FGFR4: variants seen among roughly 807,000 people sequenced by gnomAD.
FGFR4 encodes fibroblast growth factor receptor 4.
In FGFR4, 63 loss-of-function variants were observed where a neutral mutation model predicts 89.9. The observed-to-expected ratio is 0.70, with a 90% confidence interval of 0.57 to 0.86. FGFR4 has a LOEUF of 0.86. FGFR4 is among the 40% of genes least tolerant of loss of function. FGFR4 has a pLI of 0.00. For synonymous variants in FGFR4, 486 were observed against 479.4 expected (o/e 1.01, Z -0.18); for missense variants, 928 against 1,106.7 (o/e 0.84, Z 2.29).
rs1784336742 is a variant in FGFR4 at position 177,090,737 on chromosome 5, T to G, written c.356-8T>G. ...GACCTTAGATGCTTCCCTCTGTCCCTGATGTAGACTCCTTGACCTCCAGCA... is the reference window on the plus strand; with the variant it reads ...GACCTTAGATGCTTCCCTCTGTCCCGGATGTAGACTCCTTGACCTCCAGCA... On this transcript the variant is annotated splice_polypyrimidine_tract_variant and splice_region_variant and intron_variant, in intron 3 of 17. Coordinates refer to ENST00000292408, the MANE Select transcript of FGFR4 (RefSeq NM_213647.3). The G allele has an allele frequency of 6.3e-7, 1 of 1,595,258 alleles. No individual in the cohort carries two copies. Among genetic ancestry groups the G allele is most frequent in the Non-Finnish European group, 8.6e-7 (1 of 1,168,774 alleles).
rs150191035 is a variant in FGFR4, at chr5:177,090,465, G to C, written c.167G>C (p.Cys56Ser). ...TVALGQPVRL[C>S]CGRAERGGHW... ...GCCCTTGGGCAGCCTGTGCGTCTGTGCTGTGGGCGGGCTGAGCGTGGTGGC... is the reference window on the plus strand; with the variant it reads ...GCCCTTGGGCAGCCTGTGCGTCTGTCCTGTGGGCGGGCTGAGCGTGGTGGC... The change falls in exon 3 of 18, where the codon TGC (cysteine) becomes TCC (serine). Residue 56 changes from cysteine (C) to serine (S), a missense_variant. By Grantham distance (112) the Cys-to-Ser change is moderately radical. Around this residue, in one of 5 missense-constraint regions of FGFR4, gnomAD observed 741 missense variants for 836.9 expected, o/e 0.89. Transcript: ENST00000292408. The C allele has an allele frequency of 1.8e-4, 283 of 1,599,634 alleles. 1 individual carries two copies. Among genetic ancestry groups the C allele is most frequent in the Middle Eastern group, 1.7e-4 (1 of 6,018 alleles).
At position 177,089,625 on chromosome 5, in the gene FGFR4, T is replaced by TG; in HGVS notation, c.28dup (p.Val10GlyfsTer17). The TG allele has an allele frequency of 6.2e-7, 1 of 1,613,758 alleles. No homozygotes were observed. Among genetic ancestry groups the TG allele is most frequent in the Non-Finnish European group, 8.5e-7 (1 of 1,179,868 alleles). On this transcript the variant is annotated frameshift_variant, in exon 2 of 18. Transcript: ENST00000292408. LOFTEE classifies it high-confidence loss of function. ...GAGATGCGGCTGCTGCTGGCCCTGT[T>TG]GGGGGTCCTGCTGAGTGTGCCTGGG...
Position 177,092,378 on chromosome 5 carries a change from T to C in FGFR4, c.785T>C (p.Val262Ala). The C allele has an allele frequency of 6.2e-7, 1 of 1,607,118 alleles. No individual in the cohort carries two copies. The highest frequency in any genetic ancestry group is 8.5e-7 in the Non-Finnish European group (1 of 1,174,988). Residue 262 changes from valine to alanine, a missense_variant, in exon 7 of 18, where the codon GTG (valine) becomes GCG (alanine). Coordinates refer to ENST00000292408, the MANE Select transcript of FGFR4 (RefSeq NM_213647.3). ...GGGCTCCCGGCCAACACCACAGCCG[T>C]GGTGGGCAGCGACGTGGAGCTGCTG... ...QAGLPANTTA[V>A]VGSDVELLCK... is the part of the protein sequence containing the mutation.
rs370317404 is a variant in FGFR4 at position 177,093,727 on chromosome 5, C to A, written c.1471C>A (p.Pro491Thr). 6.2e-7 allele frequency: 1 copy of A among 1,613,928 alleles called. No individual in the cohort carries two copies. Among genetic ancestry groups the A allele is most frequent in the East Asian group, 2.2e-5 (1 of 44,890 alleles). Residue 491 changes from proline (P) to threonine (T), a missense_variant, in exon 11 of 18, where the codon CCT (proline) becomes ACT (threonine). Physicochemically the swap from Pro to Thr is conservative, Grantham distance 38 (BLOSUM62 -1). Transcript: ENST00000292408. This position sits in a 1 kb window ranked among gnomAD's most constrained non-coding sequence, Gnocchi z 5.8. ...VVRAEAFGMDPARPDQASTVA... is the reference protein window; with the variant it reads ...VVRAEAFGMDTARPDQASTVA... ...ACGTGCAGAGGCCTTTGGCATGGAC[C>A]CTGCCCGGCCTGACCAAGCCAGCAC... is the stretch of plus-strand genomic sequence containing the variant.
chr5:177,091,607 T>C (rs1298309948), intron 5 of FGFR4, 78 bp from the exon 6 acceptor site: 2 of 1,573,024 alleles, frequency 1.3e-6, no homozygotes, highest in South Asian at 1.2e-5. Context: ...GTGGGCAGGA[T>C]GAGGATCTAG....
chr5:177,094,423 A>ATTAGTCTGTGTCAGCT (rs1784478372), intron 11 of FGFR4, among the ~76,000 whole-genome samples: 1 of 152,110 alleles, frequency 6.6e-6, no homozygotes, highest in Non-Finnish European at 1.5e-5. Flanking sequence ...CTGTGTCAGC[A>ATTAGTCTGTGTCAGCT]TTAGTCTGTG....
In FGFR4 at chr5:177,090,673, A is replaced by G; in HGVS notation, c.355+20A>G. 1.3e-6 allele frequency: 2 copies of G among 1,534,226 alleles called. No homozygotes were observed. Among genetic ancestry groups the G allele is most frequent in the Non-Finnish European group, 1.8e-6 (2 of 1,140,888 alleles). ...CAGGTGGTAAGAGACTCTAGCAGGG[A>G]GTGAAGGGATGCCTGGGGAGACAGA... On this transcript the variant is annotated intron_variant, in intron 3 of 17. Transcript: ENST00000292408.
chr5:177,090,458 C>A lies in FGFR4; in HGVS notation c.160C>A (p.Arg54Ser), dbSNP rs572098218. Residue 54 changes from arginine (R) to serine (S), a missense_variant, in exon 3 of 18, where the codon CGT becomes AGT. Physicochemically the swap from Arg to Ser is moderately radical, Grantham distance 110 (BLOSUM62 -1). Coordinates refer to ENST00000292408, the MANE Select transcript of FGFR4 (RefSeq NM_213647.3). ...ELTVALGQPV[R>S]LCCGRAERGG... ...GACAGTAGCCCTTGGGCAGCCTGTG[C>A]GTCTGTGCTGTGGGCGGGCTGAGCG... 1.2e-6 allele frequency: 2 copies of A among 1,603,266 alleles called. No homozygotes were observed. The highest frequency in any genetic ancestry group is 1.1e-5 in the South Asian group (1 of 90,342).
chr5:177,095,258 C>G lies in FGFR4; in HGVS notation c.1520-72C>G. 7.8e-7 allele frequency: 1 copy of G among 1,279,436 alleles called. No individual in the cohort carries two copies. Among genetic ancestry groups the G allele is most frequent in the Non-Finnish European group, 1.1e-6 (1 of 877,792 alleles). The allele number at this position is 1,279,436 out of a possible 1,614,324, so 79.3% of individuals were successfully genotyped here. A position where few individuals can be genotyped will look rare whatever the true frequency, so the allele number is the denominator to read the frequency against. ...TAGCCCTGGTCCAGTGCTGCTTGTC[C>G]TGCACCTGCCTCTGCATGCTCCCTC... On this transcript the variant is annotated intron_variant, in intron 11 of 17. Coordinates refer to ENST00000292408, the MANE Select transcript of FGFR4 (RefSeq NM_213647.3). The surrounding 1 kb of genome is among the most constrained non-coding windows in gnomAD (Gnocchi z 5.7).
chr5:177,096,879 TCC>T, intron 16 of FGFR4, 138 bp downstream of exon 16: 1 of 905,864 alleles, frequency 1.1e-6, no homozygotes, highest in Non-Finnish European at 1.7e-6. Flanking sequence ...TTCCTCTTCC[TCC>T]TCCTCCTCTT....
Position 177,093,841 on chromosome 5 carries a change from A to G in FGFR4, c.1519+66A>G. On this transcript the variant is annotated intron_variant, in intron 11 of 17. Coordinates refer to ENST00000292408, the MANE Select transcript of FGFR4 (RefSeq NM_213647.3). The surrounding 1 kb of genome is among the most constrained non-coding windows in gnomAD (Gnocchi z 5.8). Reference sequence around the variant, plus strand: ...AGCACTTTAGGAGGCTGAGGGTGGGAGGATCGCTTGAATCCAGGAATTCGA... The same window carrying G: ...AGCACTTTAGGAGGCTGAGGGTGGGGGGATCGCTTGAATCCAGGAATTCGA... 1 of 1,536,746 alleles carries G rather than the reference A, an allele frequency of 6.5e-7. No individual in the cohort carries two copies. Among genetic ancestry groups the G allele is most frequent in the Non-Finnish European group, 8.8e-7 (1 of 1,132,574 alleles).
intron 11 of FGFR4, among the ~76,000 whole-genome samples, chr5:177,094,601 G>A (rs530847113): frequency 1.3e-5 from 2 of 151,618 alleles, no homozygotes; most frequent in African/African-American, 4.8e-5. Context: ...GCCCAGCCCC[G>A]GGGTGCTCTT....
In FGFR4 at chr5:177,097,900, C is replaced by T. The variant is rs1393377601; in HGVS notation, c.*224C>T. On this transcript the variant is annotated 3_prime_UTR_variant, in exon 18 of 18. Coordinates refer to ENST00000292408, the MANE Select transcript of FGFR4 (RefSeq NM_213647.3). The stretch of plus-strand genomic sequence containing the variant: ...CTTCTTGGACCTTGGCGCTTAGTCC[C>T]CATCCCGGGTTTGGCTGAGCCTGGC... 4.1e-6 allele frequency: 2 copies of T among 491,200 alleles called. No individual in the cohort carries two copies. Among genetic ancestry groups the T allele is most frequent in the Non-Finnish European group, 7.0e-6 (2 of 285,698 alleles). The allele number at this position is 491,200 out of a possible 1,614,324, so 30.4% of individuals were successfully genotyped here. A position where few individuals can be genotyped will look rare whatever the true frequency, so the allele number is the denominator to read the frequency against.
At position 177,090,500 on chromosome 5, in the gene FGFR4, A is replaced by G. The variant is rs1395976978; in HGVS notation, c.202A>G (p.Lys68Glu). The G allele has an allele frequency of 1.3e-6, 2 of 1,576,182 alleles. No homozygotes were observed. Among genetic ancestry groups the G allele is most frequent in the South Asian group, 2.4e-5 (2 of 84,806 alleles). Reference sequence around the variant, plus strand: ...GGCTGAGCGTGGTGGCCACTGGTACAAGGAGGGCAGTCGCCTGGCACCTGC... The same window carrying G: ...GGCTGAGCGTGGTGGCCACTGGTACGAGGAGGGCAGTCGCCTGGCACCTGC... ...GRAERGGHWYKEGSRLAPAGR... is the reference protein window; with the variant it reads ...GRAERGGHWYEEGSRLAPAGR... Residue 68 changes from lysine (K) to glutamate (E), a missense_variant, in exon 3 of 18, where the codon AAG (lysine) becomes GAG (glutamate). Physicochemically the swap from Lys to Glu is moderately conservative, Grantham distance 56. Around this residue, in one of 5 missense-constraint regions of FGFR4, gnomAD observed 741 missense variants for 836.9 expected, o/e 0.89. Coordinates refer to ENST00000292408, the MANE Select transcript of FGFR4 (RefSeq NM_213647.3).
At position 177,092,360 on chromosome 5, in the gene FGFR4, C is replaced by T. The variant is rs938855503; in HGVS notation, c.767C>T (p.Pro256Leu). ...PHRPILQAGL[P>L]ANTTAVVGSD... ...CGGCCCATCCTGCAGGCCGGGCTCC[C>T]GGCCAACACCACAGCCGTGGTGGGC... The change falls in exon 7 of 18, where the codon CCG becomes CTG. Residue 256 changes from proline to leucine, a missense_variant. Physicochemically the swap from Pro to Leu is moderately conservative, Grantham distance 98. Around this residue, in one of 5 missense-constraint regions of FGFR4, gnomAD observed 741 missense variants for 836.9 expected, o/e 0.89. Transcript: ENST00000292408. 54 of 1,599,918 alleles carry T rather than the reference C, an allele frequency of 3.4e-5. No individual in the cohort carries two copies. The highest frequency in any genetic ancestry group is 1.4e-4 in the Admixed American group (8 of 58,886).
rs548781315 is a variant in FGFR4, at chr5:177,097,785, A to T, written c.*109A>T. The stretch of plus-strand genomic sequence containing the variant: ...TGATAGCATGGGGCCCCTGGCCCAG[A>T]GTTGCTGTGCCGTGTCCAAGGGCCG... On this transcript the variant is annotated 3_prime_UTR_variant, in exon 18 of 18. Coordinates refer to ENST00000292408, the MANE Select transcript of FGFR4 (RefSeq NM_213647.3). 1.5e-4 allele frequency: 210 copies of T among 1,398,184 alleles called. No individual in the cohort carries two copies. In the African/African-American group the frequency reaches 2.9e-3, roughly 19 times the overall value. 86.6% of individuals were successfully genotyped at this position (1,398,184 alleles called of 1,614,324 possible). A position where few individuals can be genotyped will look rare whatever the true frequency, so the allele number is the denominator to read the frequency against.
chr5:177,095,534 G>A lies in FGFR4; in HGVS notation c.1632G>A (p.Gly544=), dbSNP rs1784520528. The change falls in exon 13 of 18, where the codon GGG becomes GGA. Residue 544 remains glycine (G), a splice_region_variant and synonymous_variant. Transcript: ENST00000292408. This position sits in a 1 kb window ranked among gnomAD's most constrained non-coding sequence, Gnocchi z 5.7. ...ACGCTCCCTCCACTCCCTCTGCAGG[G>A]CCCCTGTACGTGATCGTGGAGTGCG... ...INLLGVCTQE[G]PLYVIVECAA... is the part of the protein sequence containing the mutation. 2 of 1,611,260 alleles carry A rather than the reference G, an allele frequency of 1.2e-6. No individual in the cohort carries two copies. Among genetic ancestry groups the A allele is most frequent in the South Asian group, 1.1e-5 (1 of 90,860 alleles).
In FGFR4 at chr5:177,097,620, G is replaced by T; in HGVS notation, c.2353G>T (p.Asp785Tyr). ...CTCCAGCGATTCTGTCTTCAGCCAC[G>T]ACCCCCTGCCATTGGGATCCAGCTC... ...CSSSDSVFSH[D>Y]PLPLGSSSFP... The change falls in exon 18 of 18, where the codon GAC becomes TAC. Residue 785 changes from aspartate to tyrosine, a missense_variant. Coordinates refer to ENST00000292408, the MANE Select transcript of FGFR4 (RefSeq NM_213647.3). 1 of 1,614,176 alleles carries T rather than the reference G, an allele frequency of 6.2e-7. No individual in the cohort carries two copies. Among genetic ancestry groups the T allele is most frequent in the East Asian group, 2.2e-5 (1 of 44,880 alleles).
chr5:177,095,645 G>GGGGC lies in FGFR4; in HGVS notation c.1744_1747dup (p.Pro583ArgfsTer41). 2.5e-6 allele frequency: 4 copies of GGGGC among 1,607,300 alleles called. No homozygotes were observed. Among genetic ancestry groups the GGGGC allele is most frequent in the Non-Finnish European group, 3.4e-6 (4 of 1,178,052 alleles). ...GCCCCGACGGTCCTCGGAGCAGTGA[G>GGGGC]GGGCCGCTCTCCTTCCCAGTCCTGG... is the stretch of plus-strand genomic sequence containing the variant. On this transcript the variant is annotated frameshift_variant, in exon 13 of 18. Coordinates refer to ENST00000292408, the MANE Select transcript of FGFR4 (RefSeq NM_213647.3). LOFTEE classifies it high-confidence loss of function. The surrounding 1 kb of genome is among the most constrained non-coding windows in gnomAD (Gnocchi z 5.7).
Sources: allele counts gnomAD v4.1 joint callset (sites outside exome capture counted in the v4.1 genomes callset), GRCh38; gene constraint gnomAD v4.1.1; regional missense constraint gnomAD v4.1.1; non-coding constraint Gnocchi (gnomAD v3.1); transcripts MANE v1.5; gene names NCBI Gene and HGNC (gene_info 2026-07-23, HGNC 2026-07-21).